OR56A3: variants seen among roughly 807,000 people sequenced by gnomAD.
OR56A3 encodes the protein olfactory receptor 56A3.
In OR56A3, 23 loss-of-function variants were observed where a neutral mutation model predicts 17.5. The observed-to-expected ratio is 1.32, with a 90% CI of 0.95 to 1.87. The LOEUF (loss-of-function observed/expected upper bound fraction) is 1.87. Ranked by LOEUF, OR56A3 falls within the 40% of genes most tolerant of loss-of-function variation. The probability of loss-of-function intolerance (pLI) is 0.00; values close to 1 mark genes in which losing one functional copy is unlikely to be tolerated. For synonymous variants in OR56A3, 175 were observed against 150.6 expected, an observed-to-expected ratio of 1.16 and a Z score of -1.19; for missense variants, 366 against 380.1, an observed-to-expected ratio of 0.96 and a Z score of 0.31.
the OR56A3 span, among the ~76,000 whole-genome samples, chr11:5,957,505 A>G: frequency 1.3e-5 from 2 of 152,236 alleles, no homozygotes; most frequent in African/African-American, 2.4e-5. Context: ...TTTCTCCACT[A>G]TCTTGTAACT....
At chr11:5,968,177 G>C in the OR56A3 span, 3 of 1,614,092 alleles carry the variant, frequency 1.9e-6, no homozygotes, top group African/African-American at 2.7e-5. Flanking sequence ...AACTGTTCAT[G>C]ATGAACACCT....
the OR56A3 span, among the ~76,000 whole-genome samples, chr11:6,018,760 T>C: frequency 1.3e-5 from 1 of 74,412 alleles, no homozygotes; most frequent in South Asian, 5.3e-4. Flanking sequence ...TTGGAAAAGA[T>C]AAACAAAATT....
chr11:5,956,896 C>T, the OR56A3 span, among the ~76,000 whole-genome samples: 349 of 152,292 alleles, frequency 2.3e-3, 1 homozygote, highest in Non-Finnish European at 2.5e-3. Flanking sequence ...GTGTCTCACG[C>T]CTGTAATCCC....
the OR56A3 span, among the ~76,000 whole-genome samples, chr11:6,013,595 G>A: frequency 6.6e-6 from 1 of 152,172 alleles, no homozygotes; most frequent in African/African-American, 2.4e-5. Context: ...ACTCAGCTGT[G>A]CAGTCCAGGA....
At chr11:6,005,288 G>A in the OR56A3 span, among the ~76,000 whole-genome samples, 1 of 152,146 alleles carries the variant, frequency 6.6e-6, no homozygotes, top group Non-Finnish European at 1.5e-5. Context: ...ACATTTCGTG[G>A]GGGAGAATAA....
chr11:5,952,644 TAATA>T (rs145667150), downstream of OR56A3, among the ~76,000 whole-genome samples: 15,866 of 152,056 alleles, frequency 0.1, 978 homozygotes, highest in Middle Eastern at 0.16. Flanking sequence ...GAGAAATAAA[TAATA>T]AATAAGTAAT....
At chr11:5,957,775 G>A in the OR56A3 span, among the ~76,000 whole-genome samples, 1 of 152,126 alleles carries the variant, frequency 6.6e-6, no homozygotes, top group Non-Finnish European at 1.5e-5. Context: ...AAGAGAAGCA[G>A]GTTTTCTCTT....
the OR56A3 span, chr11:5,986,082 A>T: frequency 1.2e-6 from 2 of 1,613,992 alleles, no homozygotes; most frequent in Non-Finnish European, 1.7e-6. Flanking sequence ...GTACATGATG[A>T]CCAAAGCGGT....
chr11:5,944,058 A>G (rs1437825418), intron 1 of OR56A3, among the ~76,000 whole-genome samples: 1 of 152,230 alleles, frequency 6.6e-6, no homozygotes, highest in African/African-American at 2.4e-5. Flanking sequence ...CATAGTGCCC[A>G]GGGCATGAAG....
chr11:6,019,731 A>C, the OR56A3 span: 2 of 152,176 alleles, frequency 1.3e-5, no homozygotes, highest in Non-Finnish European at 2.9e-5. Context: ...AGGCAACAGC[A>C]TAACTAAGAT....
chr11:5,987,067 A>T, the OR56A3 span: 1 of 760,442 alleles, frequency 1.3e-6, no homozygotes, highest in Non-Finnish European at 2.1e-6. Flanking sequence ...GGTGGAGATA[A>T]TTCTTTTACA....
At chr11:5,962,760 G>T in the OR56A3 span, among the ~76,000 whole-genome samples, 3 of 151,966 alleles carry the variant, frequency 2.0e-5, no homozygotes, top group East Asian at 5.8e-4. Context: ...GGATGGTCTC[G>T]ATCTCCTGAC....
the OR56A3 span, chr11:5,993,765 C>A: frequency 4.6e-6 from 1 of 219,720 alleles, no homozygotes; most frequent in South Asian, 6.9e-5. Context: ...TGTTATTTTA[C>A]TCAGCATATC....
the OR56A3 span, among the ~76,000 whole-genome samples, chr11:5,964,237 TG>T: frequency 3.3e-5 from 5 of 152,192 alleles, no homozygotes; most frequent in African/African-American, 1.2e-4. Flanking sequence ...GGGCAATTGC[TG>T]GCACCTTACT....
the OR56A3 span, among the ~76,000 whole-genome samples, chr11:5,964,243 C>G: frequency 6.6e-6 from 1 of 152,144 alleles, no homozygotes; most frequent in Non-Finnish European, 1.5e-5. Flanking sequence ...TTGCTGGCAC[C>G]TTACTTTGTC....
chr11:5,983,282 T>A, the OR56A3 span, among the ~76,000 whole-genome samples: 2 of 152,202 alleles, frequency 1.3e-5, no homozygotes, highest in African/African-American at 4.8e-5. Context: ...ACTTTTGCTA[T>A]ATGTACTTTT....
chr11:5,955,827 G>A (rs1350403623), downstream of OR56A3, among the ~76,000 whole-genome samples: 1 of 152,050 alleles, frequency 6.6e-6, no homozygotes, highest in African/African-American at 2.4e-5. Context: ...GTTATACTTG[G>A]TCTGATTATT....
the OR56A3 span, among the ~76,000 whole-genome samples, chr11:5,961,182 C>G: frequency 1.5e-4 from 23 of 151,972 alleles, no homozygotes; most frequent in Admixed American, 3.3e-4. Context: ...TGGGGGGCCC[C>G]TCTGCCCGGC....
chr11:5,969,674 C>T, the OR56A3 span, among the ~76,000 whole-genome samples: 14 of 152,192 alleles, frequency 9.2e-5, no homozygotes, highest in Non-Finnish European at 1.6e-4. Flanking sequence ...TTATTTTCTT[C>T]ATCTATCCCA....
Sources: gnomAD v4.1 joint callset for allele counts (sites outside exome capture counted in the v4.1 genomes callset) on GRCh38, gnomAD v4.1.1 for gene constraint, MANE v1.5 for transcripts, NCBI Gene and HGNC (gene_info 2026-07-23, HGNC 2026-07-21) for gene names.